MACF1: variants seen among roughly 807,000 people sequenced by gnomAD.
The protein encoded by MACF1 is microtubule-actin cross-linking factor 1.
A neutral mutation model predicts 854.8 loss-of-function variants in MACF1; 193 were observed. That is an observed-to-expected ratio of 0.23 (90% confidence interval 0.20 to 0.25). MACF1 has a LOEUF of 0.25. MACF1 is among the 10% of genes least tolerant of loss of function. The pLI is 1.00. For missense variants in MACF1, 7,722 were observed against 8,929.1 expected (o/e 0.86, Z 5.45); for synonymous variants, 3,185 against 3,226.7 (o/e 0.99, Z 0.44).
chr1:39,393,182 A>T (rs1400520629), intron 58 of MACF1, among the ~76,000 whole-genome samples: 44 of 87,258 alleles, frequency 5.0e-4, no homozygotes, highest in Middle Eastern at 6.8e-3. Context: ...TGGGAAGGGT[A>T]AAAAAAAAAA....
chr1:39,285,574 T>C, intron 13 of MACF1, 30 bp from the exon 14 acceptor site: 1 of 1,607,184 alleles, frequency 6.2e-7, no homozygotes, highest in African/African-American at 1.3e-5. Flanking sequence ...ATGGAAGTTT[T>C]CCCACTGTTA....
rs879508299 is a variant in MACF1 at position 39,283,932 on chromosome 1, G to A, written c.916-134G>A. 41 of 945,790 alleles carry A rather than the reference G, an allele frequency of 4.3e-5. No individual in the cohort carries two copies. The African/African-American group carries it at 5.8e-4, about 13-fold the overall frequency. The allele number at this position is 945,790 out of a possible 1,614,324, so 58.6% of individuals were successfully genotyped here. ...AGGAGCTTTGAAGCTAGTACTGTGA[G>A]CATTAAACTGAGCAGCATCTAGGCA... On this transcript the variant is annotated intron_variant, in intron 9 of 100. Coordinates refer to ENST00000564288, the MANE Select transcript of MACF1 (RefSeq NM_001394062.1). The surrounding 1 kb of genome is among the most constrained non-coding windows in gnomAD (Gnocchi z 4.5).
Position 39,084,464 on chromosome 1 carries a change from G to A in MACF1, c.220+26G>A, listed in dbSNP as rs770693502. 6.3e-7 allele frequency: 1 copy of A among 1,586,882 alleles called. No individual in the cohort carries two copies. The highest frequency in any genetic ancestry group is 1.7e-5 in the Admixed American group (1 of 58,028). On this transcript the variant is annotated intron_variant, in intron 2 of 93. Coordinates refer to the MACF1 transcript ENST00000361689. This position sits in a 1 kb window ranked among gnomAD's most constrained non-coding sequence, Gnocchi z 5.2. ...GTAAGAGAGGTCCCCCAGCAGGCTGGACGCTGTGGGTGTGAGGGAGGAATG... is the reference window on the plus strand; with the variant it reads ...GTAAGAGAGGTCCCCCAGCAGGCTGAACGCTGTGGGTGTGAGGGAGGAATG...
At chr1:39,394,892 A>T (rs1477564647) in intron 58 of MACF1, among the ~76,000 whole-genome samples, 1 of 152,090 alleles carries the variant, frequency 6.6e-6, no homozygotes, top group Admixed American at 6.5e-5. Flanking sequence ...TACCAAGATG[A>T]GTGGGTATCC....
In MACF1 at chr1:39,268,610, T is replaced by A. The variant is rs181594836; in HGVS notation, c.528+10582T>A. 12 of 1,191,544 alleles carry A rather than the reference T, an allele frequency of 1.0e-5. No individual in the cohort carries two copies. The Admixed American group carries it at 4.4e-4, about 43-fold the overall frequency. The allele number at this position is 1,191,544 out of a possible 1,614,324, so 73.8% of individuals were successfully genotyped here. A position where few individuals can be genotyped will look rare whatever the true frequency, so the allele number is the denominator to read the frequency against. ...CATAGTGCATGTTTTTAAATGTGCA[T>A]CGAATCCGATGAGGCCAAGGTTGGG... On this transcript the variant is annotated intron_variant, in intron 6 of 100. Transcript: ENST00000564288.
chr1:39,390,943 T>TA (rs1009704524), intron 58 of MACF1, among the ~76,000 whole-genome samples: 10 of 150,390 alleles, frequency 6.6e-5, no homozygotes, highest in African/African-American at 1.5e-4. Context: ...CTGTCTCTAC[T>TA]AAAAAAAAAT....
chr1:39,244,407 A>T (rs1187851910), intron 2 of MACF1, among the ~76,000 whole-genome samples: 1 of 151,794 alleles, frequency 6.6e-6, no homozygotes, highest in Non-Finnish European at 1.5e-5. Context: ...TTAGCCTCCT[A>T]AGTAGCTGGG....
chr1:39,392,820 A>G (rs918334434), intron 58 of MACF1, among the ~76,000 whole-genome samples: 2 of 152,190 alleles, frequency 1.3e-5, no homozygotes, highest in Admixed American at 1.3e-4. Context: ...GTAGGTCCTC[A>G]CTGGCAGACC....
chr1:39,466,750 C>T (rs1198824222), intron 95 of MACF1, among the ~76,000 whole-genome samples: 1 of 152,224 alleles, frequency 6.6e-6, no homozygotes, highest in Non-Finnish European at 1.5e-5. Context: ...GACGTGTATT[C>T]TCTTTCAAGT....
chr1:39,284,359 C>A lies in MACF1; in HGVS notation c.1062C>A (p.Phe354Leu), dbSNP rs1307878345. 1 of 1,598,188 alleles carries A rather than the reference C, an allele frequency of 6.3e-7. No individual in the cohort carries two copies. Among genetic ancestry groups the A allele is most frequent in the South Asian group, 1.1e-5 (1 of 89,200 alleles). Reference protein sequence around the residue: ...LKALYNQYIHFKETEILAKER... With the variant: ...LKALYNQYIHLKETEILAKER... ...CACTTTATAACCAATATATACACTT[C>A]AAAGAAACAGAAATTCTGGCCAAGG... The change falls in exon 11 of 101, where the codon TTC becomes TTA. Residue 354 changes from phenylalanine (F) to leucine (L), a missense_variant. Phe to Leu is a conservative substitution (Grantham distance 22). This residue lies in a region of MACF1 where 97 missense variants were observed against 130.4 expected (regional missense o/e 0.74). Coordinates refer to ENST00000564288, the MANE Select transcript of MACF1 (RefSeq NM_001394062.1).
intron 2 of MACF1, among the ~76,000 whole-genome samples, chr1:39,120,453 A>G (rs984279164): frequency 4.6e-5 from 7 of 151,512 alleles, no homozygotes; most frequent in African/African-American, 1.7e-4. Context: ...TAACCTCTGC[A>G]TTCTGGGTTC....
chr1:39,204,696 G>T lies in MACF1; in HGVS notation c.-327G>T. 4.3e-6 allele frequency: 1 copy of T among 231,768 alleles called. No homozygotes were observed. Among genetic ancestry groups the T allele is most frequent in the Non-Finnish European group, 8.5e-6 (1 of 117,998 alleles). The allele number at this position is 231,768 out of a possible 1,614,324, so 14.4% of individuals were successfully genotyped here. A position where few individuals can be genotyped will look rare whatever the true frequency, so the allele number is the denominator to read the frequency against. ...AGCTGAGCAGAGGATGCCAAAGATAGAGGTTTGAGTCAGCTTGACACTGGC... is the reference window on the plus strand; with the variant it reads ...AGCTGAGCAGAGGATGCCAAAGATATAGGTTTGAGTCAGCTTGACACTGGC... On this transcript the variant is annotated 5_prime_UTR_variant, in exon 1 of 101. Coordinates refer to ENST00000564288, the MANE Select transcript of MACF1 (RefSeq NM_001394062.1).
intron 58 of MACF1, 79 bp from the exon 59 acceptor site, chr1:39,422,295 C>A: frequency 2.6e-6 from 3 of 1,135,932 alleles, no homozygotes; most frequent in Non-Finnish European, 3.7e-6. Flanking sequence ...ATAAATGCCC[C>A]AAGAATAACC....
intron 100 of MACF1, 77 bp from the exon 101 acceptor site, chr1:39,485,460 GA>G (rs1427085766): frequency 1.9e-5 from 28 of 1,448,134 alleles, no homozygotes; most frequent in Non-Finnish European, 2.4e-5. Context: ...CACAGGATCA[GA>G]ACCCTAGCTT....
At chr1:39,269,621 T>A in intron 6 of MACF1, 1 of 1,289,758 alleles carries the variant, frequency 7.8e-7, no homozygotes, top group Non-Finnish European at 1.0e-6. Flanking sequence ...GGATCCAGCC[T>A]AAAGATACAG....
chr1:39,391,593 A>T (rs770967610), intron 58 of MACF1, among the ~76,000 whole-genome samples: 6 of 152,204 alleles, frequency 3.9e-5, no homozygotes, highest in Non-Finnish European at 7.3e-5. Context: ...ATTGCATTAG[A>T]TATGAGCTAA....
At chr1:39,406,924 T>TC (rs1274420200) in intron 58 of MACF1, among the ~76,000 whole-genome samples, 2 of 152,104 alleles carry the variant, frequency 1.3e-5, no homozygotes, top group East Asian at 3.9e-4. Context: ...GATCTTTCCT[T>TC]CCCTGAGTTT....
chr1:39,185,201 A>C (rs147191757), intron 2 of MACF1, among the ~76,000 whole-genome samples: 1 of 151,740 alleles, frequency 6.6e-6, no homozygotes. Flanking sequence ...CTGAGGCAGG[A>C]GAATGGCATG....
chr1:39,221,517 A>G (rs1353398928), intron 1 of MACF1, among the ~76,000 whole-genome samples: 4 of 152,116 alleles, frequency 2.6e-5, no homozygotes, highest in African/African-American at 4.8e-5. Context: ...CCTTTACCCA[A>G]TGTACCCTCA....
Sources: gnomAD v4.1 joint callset for allele counts (sites outside exome capture counted in the v4.1 genomes callset) on GRCh38, gnomAD v4.1.1 for gene constraint, gnomAD v4.1.1 regional missense constraint, Gnocchi (gnomAD v3.1) non-coding constraint, MANE v1.5 for transcripts, NCBI Gene and HGNC (gene_info 2026-07-23, HGNC 2026-07-21) for gene names.